ACADM: variants seen among roughly 807,000 people sequenced by gnomAD.
ACADM encodes acyl-CoA dehydrogenase medium chain, also known as medium-chain specific acyl-CoA dehydrogenase, mitochondrial.
A neutral mutation model predicts 58.9 loss-of-function variants in ACADM; 49 were observed. That is an observed-to-expected ratio of 0.83 (90% confidence interval 0.66 to 1.06). ACADM has a LOEUF of 1.06. Ranked by LOEUF, ACADM falls within the 50% of genes least tolerant of loss-of-function variation. The pLI, the probability that ACADM is intolerant of heterozygous loss-of-function variation, is 0.00. For synonymous variants in ACADM, 160 were observed against 157.7 expected, an observed-to-expected ratio of 1.01 and a Z score of -0.11; for missense variants, 496 against 507.0, an observed-to-expected ratio of 0.98 and a Z score of 0.21.
chr1:75,727,217 A>G (rs1356588705), intron 1 of ACADM, among the ~76,000 whole-genome samples: 4 of 152,234 alleles, frequency 2.6e-5, no homozygotes, highest in Non-Finnish European at 5.9e-5. Flanking sequence ...CACTGTTTCA[A>G]TTACAAATAT....
At chr1:75,735,794 A>G (rs1647241520) in intron 6 of ACADM, among the ~76,000 whole-genome samples, 1 of 150,694 alleles carries the variant, frequency 6.6e-6, no homozygotes, top group African/African-American at 2.4e-5. Context: ...CTGAGTAAAG[A>G]TGGCGGCACT....
chr1:75,757,250 C>A (rs1474137603), intron 10 of ACADM, among the ~76,000 whole-genome samples: 1 of 152,108 alleles, frequency 6.6e-6, no homozygotes, highest in Non-Finnish European at 1.5e-5. Flanking sequence ...GCAAAAGAAA[C>A]TACCATCAGA....
intron 7 of ACADM, chr1:75,744,015 A>G: frequency 6.4e-7 from 1 of 1,574,792 alleles, no homozygotes; most frequent in Admixed American, 1.7e-5. Context: ...TACTCACATC[A>G]ATCTCATTAA....
At chr1:75,729,295 C>T (rs368393070) in intron 2 of ACADM, among the ~76,000 whole-genome samples, 1,273 of 84,748 alleles carry the variant, frequency 0.015, no homozygotes, top group Middle Eastern at 0.018. Context: ...TTTCTTTTTT[C>T]TTTTTTTTTT....
At chr1:75,732,425 A>C in intron 2 of ACADM, 1 of 553,410 alleles carries the variant, frequency 1.8e-6, no homozygotes, top group Non-Finnish European at 3.2e-6. Context: ...CATTTGTAAA[A>C]GTTAAAAATC....
intron 7 of ACADM, chr1:75,744,736 T>G (rs3207433): frequency 8.1e-6 from 6 of 739,934 alleles, no homozygotes; most frequent in Non-Finnish European, 1.5e-5. Flanking sequence ...AGAGAGCGAG[T>G]GGCTGAACGC....
At position 75,748,344 on chromosome 1, in the gene ACADM, GT is replaced by G. The variant is rs1648013183; in HGVS notation, c.709-1072del. Among the ~76,000 whole-genome samples the G allele has an allele frequency of 2.6e-5, 4 of 152,202 alleles. No individual in the cohort carries two copies. In the South Asian group the frequency reaches 8.3e-4, roughly 31 times the overall value. ...TTGAGGGAATGTAGCTAGTTTAGTAGTTTCTTATAAAGTCAAACATACACTT... is the reference window on the plus strand; with the variant it reads ...TTGAGGGAATGTAGCTAGTTTAGTAGTTCTTATAAAGTCAAACATACACTT... On this transcript the variant is annotated intron_variant, in intron 8 of 11. Coordinates refer to ENST00000370841, the MANE Select transcript of ACADM (RefSeq NM_000016.6).
chr1:75,755,501 C>G (rs1648455368), intron 10 of ACADM, among the ~76,000 whole-genome samples: 1 of 152,204 alleles, frequency 6.6e-6, no homozygotes, highest in South Asian at 2.1e-4. Flanking sequence ...CAAAGAGGGT[C>G]TGGAGTGGAC....
At chr1:75,740,180 G>T in intron 7 of ACADM, 70 bp downstream of exon 7, 1 of 1,474,532 alleles carries the variant, frequency 6.8e-7, no homozygotes, top group South Asian at 1.1e-5. Context: ...CTTTCTTTCT[G>T]TATATTTTTA....
At chr1:75,755,409 G>A (rs923730880) in intron 10 of ACADM, among the ~76,000 whole-genome samples, 1 of 152,182 alleles carries the variant, frequency 6.6e-6, no homozygotes, top group Admixed American at 6.5e-5. Context: ...CTGAGACGAA[G>A]CTTCCAGAGG....
At chr1:75,759,594 C>G (rs1648705927) in intron 10 of ACADM, among the ~76,000 whole-genome samples, 1 of 151,182 alleles carries the variant, frequency 6.6e-6, no homozygotes, top group African/African-American at 2.4e-5. Context: ...TTTAGTTGTC[C>G]TTTCCTCTGT....
At chr1:75,739,892 C>A in intron 6 of ACADM, 88 bp from the exon 7 acceptor site, 1 of 952,142 alleles carries the variant, frequency 1.1e-6, no homozygotes, top group Non-Finnish European at 1.5e-6. Context: ...TAAAATACAG[C>A]TTAAAAAATA....
chr1:75,747,033 A>G (rs1277728019), intron 8 of ACADM, among the ~76,000 whole-genome samples: 1 of 152,224 alleles, frequency 6.6e-6, no homozygotes, highest in Non-Finnish European at 1.5e-5. Context: ...GACAAAACAG[A>G]TGATACTGTT....
At chr1:75,724,960 T>G (rs887226965) in intron 1 of ACADM, 143 bp downstream of exon 1, 22 of 673,378 alleles carry the variant, frequency 3.3e-5, no homozygotes, top group Non-Finnish European at 4.4e-5. Context: ...GCCCCCAACC[T>G]GCTTTCACGC....
chr1:75,732,518 G>T, intron 2 of ACADM, 126 bp from the exon 3 acceptor site: 2 of 798,624 alleles, frequency 2.5e-6, no homozygotes, highest in South Asian at 2.9e-5. Flanking sequence ...AAAATGCACT[G>T]TAGTCTGAGT....
intron 1 of ACADM, among the ~76,000 whole-genome samples, chr1:75,727,176 T>C (rs1557440115): frequency 6.6e-6 from 1 of 152,182 alleles, no homozygotes; most frequent in Non-Finnish European, 1.5e-5. Context: ...ATGTTTTTAT[T>C]ACTGTAGTAT....
At chr1:75,726,533 G>C (rs1017959292) in intron 1 of ACADM, among the ~76,000 whole-genome samples, 1 of 152,172 alleles carries the variant, frequency 6.6e-6, no homozygotes, top group African/African-American at 2.4e-5. Flanking sequence ...GATACTAACA[G>C]AAAGATCAGT....
intron 6 of ACADM, among the ~76,000 whole-genome samples, chr1:75,736,729 A>AT (rs143574821): frequency 0.049 from 7,462 of 152,320 alleles, 276 homozygotes; most frequent in African/African-American, 0.11. Context: ...AAAAATTAAA[A>AT]TTTTATAACT....
chr1:75,729,295 C>CT (rs35372302), intron 2 of ACADM, among the ~76,000 whole-genome samples: 52,034 of 85,632 alleles, frequency 0.61, 14,988 homozygotes, highest in South Asian at 0.7. Context: ...TTTCTTTTTT[C>CT]TTTTTTTTTT....
Sources: gnomAD v4.1 joint callset for allele counts (sites outside exome capture counted in the v4.1 genomes callset) on GRCh38, gnomAD v4.1.1 for gene constraint, MANE v1.5 for transcripts, NCBI Gene and HGNC (gene_info 2026-07-23, HGNC 2026-07-21) for gene names.